The following RHBDF2 variants were observed in gnomAD, a reference collection of about 807,000 sequenced individuals.
The protein encoded by RHBDF2 is inactive rhomboid protein 2.
RHBDF2 carries 38 observed loss-of-function variants against 95.2 expected under a neutral mutation model. That is an observed-to-expected ratio of 0.40 (90% CI 0.31 to 0.52). RHBDF2 has a LOEUF of 0.52. Among genes scored for constraint, RHBDF2 ranks in the 20% least tolerant of loss-of-function variants. The probability of loss-of-function intolerance (pLI) is 0.56; values close to 1 mark genes in which losing one functional copy is unlikely to be tolerated. For synonymous variants in RHBDF2, 442 were observed against 462.0 expected (o/e 0.96, Z 0.55); for missense variants, 863 against 1,137.7 (o/e 0.76, Z 3.47).
At position 76,472,499 on chromosome 17, in the gene RHBDF2, G is replaced by C. The variant is rs558149894; in HGVS notation, c.2064+187C>G. 2.2e-3 allele frequency: 1,631 copies of C among 734,868 alleles called. 5 individuals carry two copies. Among genetic ancestry groups the C allele is most frequent in the South Asian group, 5.8e-3 (372 of 64,200 alleles). The allele number at this position is 734,868 out of a possible 1,614,324, so 45.5% of individuals were successfully genotyped here. A position where few individuals can be genotyped will look rare whatever the true frequency, so the allele number is the denominator to read the frequency against. On this transcript the variant is annotated intron_variant, in intron 18 of 18. Transcript: ENST00000675367. ...GGTGGAGGGACAGGGTGACTCAAGA[G>C]CATCACTGTTCCCTCTCACTGGGAT...
At chr17:76,476,784 T>G (rs185430217) in intron 9 of RHBDF2, 46 bp downstream of exon 9, 4 of 1,530,140 alleles carry the variant, frequency 2.6e-6, no homozygotes, top group Non-Finnish European at 3.5e-6. Context: ...CCAGAGGAAT[T>G]TGGAACCTTC....
rs749777845 is a variant in RHBDF2 at position 76,474,467 on chromosome 17, A to G, written c.1370T>C (p.Leu457Pro). The stretch of plus-strand genomic sequence containing the variant: ...CTCCAGGTCTCGCTCGCGCAGCACC[A>G]GCTGCTCGATCTGCCCGTCCTTCCG... ...CIRKDGQIEQ[L>P]VLRERDLERD... The change falls in exon 12 of 19, where the codon CTG becomes CCG. Residue 457 changes from leucine (L) to proline (P), a missense_variant. This residue lies in a region of RHBDF2 where 611 missense variants were observed against 725.5 expected (regional missense o/e 0.84). Transcript: ENST00000675367. The G allele has an allele frequency of 6.2e-7, 1 of 1,614,068 alleles. No homozygotes were observed. Among genetic ancestry groups the G allele is most frequent in the Non-Finnish European group, 8.5e-7 (1 of 1,179,974 alleles).
intron 1 of RHBDF2, chr17:76,488,162 T>C (rs1330527198): frequency 1.3e-5 from 2 of 152,248 alleles, no homozygotes; most frequent in East Asian, 1.9e-4. Flanking sequence ...AGAGTCAAGA[T>C]GGCCCCTGTT....
At chr17:76,474,641 G>A (rs779195548) in intron 11 of RHBDF2, 89 bp downstream of exon 11, 7 of 1,611,670 alleles carry the variant, frequency 4.3e-6, no homozygotes, top group South Asian at 1.1e-5. Context: ...AGGGGCCTGC[G>A]GGTGGGTGAG....
chr17:76,493,832 C>T (rs1191765561), intron 1 of RHBDF2, among the ~76,000 whole-genome samples: 5 of 152,380 alleles, frequency 3.3e-5, no homozygotes, highest in South Asian at 2.1e-4. Flanking sequence ...AGACATCCCA[C>T]GAACAGCGGG....
intron 11 of RHBDF2, 28 bp from the exon 12 acceptor site, chr17:76,474,562 G>T: frequency 1.2e-6 from 2 of 1,613,256 alleles, no homozygotes; most frequent in Non-Finnish European, 1.7e-6. Flanking sequence ...AGGGGAGAGA[G>T]TGAGTTTGAG....
In RHBDF2 at chr17:76,473,848, A is replaced by C. The variant is rs377515851; in HGVS notation, c.1629T>G (p.Thr543=). Residue 543 remains threonine (T), a synonymous_variant, in exon 14 of 19, where the codon ACT becomes ACG. Coordinates refer to ENST00000675367, the MANE Select transcript of RHBDF2 (RefSeq NM_001005498.4). ...SGAHIWPDDI[T]KWPICTEQAR... ...CGCCAGGGACACTCACCGGCCACTT[A>C]GTGATGTCATCGGGCCAGATGTGGG... is the stretch of plus-strand genomic sequence containing the variant. 2 of 1,614,048 alleles carry C rather than the reference A, an allele frequency of 1.2e-6. No homozygotes were observed.
Position 76,473,829 on chromosome 17 carries a change from G to A in RHBDF2, c.1638+10C>T. 1 of 1,614,014 alleles carries A rather than the reference G, an allele frequency of 6.2e-7. No homozygotes were observed. The highest frequency in any genetic ancestry group is 1.7e-5 in the Admixed American group (1 of 60,028). ...ACCTTCCCAGACCACTCCCCGCCAG[G>A]GACACTCACCGGCCACTTAGTGATG... On this transcript the variant is annotated intron_variant, in intron 14 of 18. Coordinates refer to ENST00000675367, the MANE Select transcript of RHBDF2 (RefSeq NM_001005498.4).
chr17:76,475,069 G>A lies in RHBDF2; in HGVS notation c.1188C>T (p.Ile396=), dbSNP rs1598656037. 10 of 1,597,270 alleles carry A rather than the reference G, an allele frequency of 6.3e-6. No individual in the cohort carries two copies. The highest frequency in any genetic ancestry group is 1.3e-5 in the African/African-American group (1 of 74,832). The change falls in exon 10 of 19, where the codon ATC becomes ATT. Residue 396 remains isoleucine (I), a synonymous_variant. Transcript: ENST00000675367. ...ITLLVICTYG[I]APVGFAQHVT... ...CGTGCTGGGCAAAGCCCACGGGTGC[G>A]ATGCCATACGTGCAAATCACCAGCA...
In RHBDF2 at chr17:76,481,357, C is replaced by G. The variant is rs755942932; in HGVS notation, c.150+18G>C. 1 of 1,603,236 alleles carries G rather than the reference C, an allele frequency of 6.2e-7. No homozygotes were observed. Among genetic ancestry groups the G allele is most frequent in the Non-Finnish European group, 8.5e-7 (1 of 1,175,468 alleles). On this transcript the variant is annotated intron_variant, in intron 3 of 18. Transcript: ENST00000675367. ...TTACCTACGGCAGAACAGTGAGCCC[C>G]CAGGCCAGCCCCCTTACCTCAGGCA...
chr17:76,481,561 G>A lies in RHBDF2; in HGVS notation c.-21-16C>T, dbSNP rs1398611075. On this transcript the variant is annotated splice_polypyrimidine_tract_variant and intron_variant, in intron 2 of 18. Coordinates refer to ENST00000675367, the MANE Select transcript of RHBDF2 (RefSeq NM_001005498.4). ...GGCGGGAGGGCTGGAATGGAGACCG[G>A]GAGAGCAGCGGTGGGCGGTGCGGGG... 6.3e-7 allele frequency: 1 copy of A among 1,593,886 alleles called. No homozygotes were observed. Among genetic ancestry groups the A allele is most frequent in the South Asian group, 1.1e-5 (1 of 90,492 alleles).
chr17:76,486,452 C>T (rs1373893760), intron 2 of RHBDF2, among the ~76,000 whole-genome samples: 1 of 152,094 alleles, frequency 6.6e-6, no homozygotes, highest in Non-Finnish European at 1.5e-5. Context: ...GTGGTTCATG[C>T]CTGTAATCCC....
Position 76,474,990 on chromosome 17 carries a change from A to G in RHBDF2, c.1227+40T>C, listed in dbSNP as rs558923353. 1.7e-4 allele frequency: 254 copies of G among 1,509,088 alleles called. 3 individuals are homozygous for G. In the South Asian group the frequency reaches 2.9e-3, roughly 17 times the overall value. 93.5% of individuals were successfully genotyped at this position (1,509,088 alleles called of 1,614,324 possible). On this transcript the variant is annotated intron_variant, in intron 10 of 18. Transcript: ENST00000675367. ...ACCCACGACACTGAGGCCTCCTAGG[A>G]GAGGCTGGGACCCCCAGCATGGAGC...
chr17:76,476,628 A>G (rs2073779721), intron 9 of RHBDF2: 4 of 670,120 alleles, frequency 6.0e-6, no homozygotes, highest in Non-Finnish European at 9.6e-6. Flanking sequence ...GGTGGAAGAG[A>G]GGCAGCAAGC....
At chr17:76,492,832 G>A (rs760935497) in intron 1 of RHBDF2, among the ~76,000 whole-genome samples, 22 of 152,324 alleles carry the variant, frequency 1.4e-4, no homozygotes, top group Admixed American at 5.9e-4. Context: ...CTGAGCCTGC[G>A]TGTGGCCAGA....
intron 2 of RHBDF2, among the ~76,000 whole-genome samples, chr17:76,485,668 T>C (rs1567885119): frequency 2.0e-5 from 3 of 152,066 alleles, no homozygotes; most frequent in Non-Finnish European, 4.4e-5. Flanking sequence ...GGACAGGAAG[T>C]GCCCGGCAGC....
chr17:76,489,485 G>T (rs146677716), intron 1 of RHBDF2, among the ~76,000 whole-genome samples: 14 of 151,982 alleles, frequency 9.2e-5, no homozygotes, highest in African/African-American at 3.4e-4. Flanking sequence ...CACCACACCC[G>T]GCTAATTTTT....
Position 76,476,839 on chromosome 17 carries a change from T to A in RHBDF2, c.1106A>T (p.Asp369Val), listed in dbSNP as rs769453458. 6.2e-7 allele frequency: 1 copy of A among 1,603,886 alleles called. No homozygotes were observed. Among genetic ancestry groups the A allele is most frequent in the Non-Finnish European group, 8.5e-7 (1 of 1,176,734 alleles). The change falls in exon 9 of 19, where the codon GAC becomes GTC. Residue 369 changes from aspartate to valine, a missense_variant. By Grantham distance (152) the Asp-to-Val change is radical (BLOSUM62 -3). Transcript: ENST00000675367. Reference sequence around the variant, plus strand: ...CAGGGCGACACCTCACCGGTGGCTGTCGAAGCTCTCCAGCTGCCGCTGCAC... The same window carrying A: ...CAGGGCGACACCTCACCGGTGGCTGACGAAGCTCTCCAGCTGCCGCTGCAC... The part of the protein sequence containing the change: ...STVQRQLESF[D>V]SHRPYFTYWL...
At position 76,471,235 on chromosome 17, in the gene RHBDF2, C is replaced by T. The variant is rs961689165; in HGVS notation, c.*398G>A. On this transcript the variant is annotated 3_prime_UTR_variant, in exon 19 of 19. Coordinates refer to ENST00000675367, the MANE Select transcript of RHBDF2 (RefSeq NM_001005498.4). ...CTGGGGGCAACTGAGGGCACAGCCACGTCCCCAGCAAGGGCACGCTCCAGT... is the reference window on the plus strand; with the variant it reads ...CTGGGGGCAACTGAGGGCACAGCCATGTCCCCAGCAAGGGCACGCTCCAGT... 4.6e-5 allele frequency: 9 copies of T among 196,028 alleles called. 1 individual carries two copies. Among genetic ancestry groups the T allele is most frequent in the South Asian group, 2.1e-4 (2 of 9,624 alleles). The allele number at this position is 196,028 out of a possible 1,614,324, so 12.1% of individuals were successfully genotyped here.
Sources: allele counts gnomAD v4.1 joint callset (sites outside exome capture counted in the v4.1 genomes callset), GRCh38; gene constraint gnomAD v4.1.1; regional missense constraint gnomAD v4.1.1; transcripts MANE v1.5; gene names NCBI Gene and HGNC (gene_info 2026-07-23, HGNC 2026-07-21).